The following LY6K variants were observed in gnomAD, a reference collection of about 807,000 sequenced individuals.
LY6K encodes lymphocyte antigen 6K.
LY6K carries 9 observed loss-of-function variants against 10.4 expected under a neutral mutation model. The observed-to-expected ratio is 0.87, with a 90% CI of 0.52 to 1.52. The LOEUF (loss-of-function observed/expected upper bound fraction) is 1.52, where lower values mean the gene tolerates loss of function less well. Ranked by LOEUF, LY6K falls within the 40% of genes most tolerant of loss-of-function variation. The pLI is 0.00. For synonymous variants in LY6K, 98 were observed against 83.7 expected (o/e 1.17, Z -0.94); for missense variants, 217 against 211.7 (o/e 1.02, Z -0.15).
In LY6K at chr8:142,703,154, G is replaced by A. The variant is rs141122872; in HGVS notation, c.281G>A (p.Arg94Lys). 9.8e-5 allele frequency: 158 copies of A among 1,614,238 alleles called. No individual in the cohort carries two copies. The African/African-American group carries it at 1.9e-3, about 20-fold the overall frequency. Residue 94 changes from arginine to lysine, a missense_variant, in exon 3 of 3, where the codon AGA becomes AAA. By Grantham distance (26) the Arg-to-Lys change is conservative (BLOSUM62 2). Transcript: ENST00000292430. ...TCCGCTGGTTGTGCAGCGATGGAGA[G>A]ACCCAAGCCAGAGGAGAAGCGGTTT... is the stretch of plus-strand genomic sequence containing the variant. ...QCSAGCAAME[R>K]PKPEEKRFLL...
At position 142,703,771 on chromosome 8, in the gene LY6K, T is replaced by C. The variant is rs1327982182; in HGVS notation, c.*400T>C. 1 of 190,054 alleles carries C rather than the reference T, an allele frequency of 5.3e-6. No homozygotes were observed. The highest frequency in any genetic ancestry group is 1.2e-4 in the South Asian group (1 of 8,360). 11.8% of individuals were successfully genotyped at this position (190,054 alleles called of 1,614,324 possible). A position where few individuals can be genotyped will look rare whatever the true frequency, so the allele number is the denominator to read the frequency against. On this transcript the variant is annotated 3_prime_UTR_variant, in exon 3 of 3. Coordinates refer to ENST00000292430, the MANE Select transcript of LY6K (RefSeq NM_017527.4). ...GACCTTTCAGGTGACGCAGGAACAC[T>C]GGGGGAGTCTGAATGATTGGGGTGA...
rs1554639874 is a variant in LY6K at position 142,700,389 on chromosome 8, T to G, written c.-139T>G. ...AAAGACCCCGACAGGCCCCGGCGGG[T>G]GGGAGGCGCGCGCCCCGGGGCGGGC... On this transcript the variant is annotated 5_prime_UTR_variant, in exon 1 of 3. Transcript: ENST00000292430. 2 of 1,336,390 alleles carry G rather than the reference T, an allele frequency of 1.5e-6. No homozygotes were observed. Among genetic ancestry groups the G allele is most frequent in the Non-Finnish European group, 1.9e-6 (2 of 1,047,112 alleles). 82.8% of individuals were successfully genotyped at this position (1,336,390 alleles called of 1,614,324 possible). A position where few individuals can be genotyped will look rare whatever the true frequency, so the allele number is the denominator to read the frequency against.
chr8:142,702,425 AT>A, intron 2 of LY6K: 1 of 1,447,920 alleles, frequency 6.9e-7, no homozygotes, highest in South Asian at 1.2e-5. Flanking sequence ...GTCATCTGTG[AT>A]TCCCCTGAAA....
intron 2 of LY6K, 53 bp from the exon 3 acceptor site, chr8:142,703,038 G>A (rs1815101564): frequency 6.2e-7 from 1 of 1,605,796 alleles, no homozygotes; most frequent in South Asian, 1.1e-5. Context: ...GGGCCTCGGT[G>A]TCAGGCATTG....
chr8:142,701,510 C>A, intron 1 of LY6K, 90 bp from the exon 2 acceptor site: 1 of 833,398 alleles, frequency 1.2e-6, no homozygotes, highest in Admixed American at 2.0e-5. Flanking sequence ...GGGGACCCGC[C>A]GAGTTTGTGC....
At chr8:142,702,951 G>A (rs144856171) in intron 2 of LY6K, 140 bp from the exon 3 acceptor site, 36 of 1,551,744 alleles carry the variant, frequency 2.3e-5, no homozygotes, top group Non-Finnish European at 2.8e-5. Flanking sequence ...TCGTCCTCCC[G>A]ACTCCCCCTT....
Position 142,700,274 on chromosome 8 carries a change from G to A in LY6K, c.-254G>A. The stretch of plus-strand genomic sequence containing the variant: ...GGGCTCCCGCGCCCGTTCCTGCCTG[G>A]CCGCCGGCCGCTCCAACAGCAGCAC... On this transcript the variant is annotated 5_prime_UTR_variant, in exon 1 of 3. Coordinates refer to ENST00000292430, the MANE Select transcript of LY6K (RefSeq NM_017527.4). The A allele has an allele frequency of 5.9e-6, 7 of 1,183,572 alleles. No individual in the cohort carries two copies. Among genetic ancestry groups the A allele is most frequent in the Non-Finnish European group, 6.3e-6 (6 of 945,772 alleles). 73.3% of individuals were successfully genotyped at this position (1,183,572 alleles called of 1,614,324 possible).
At chr8:142,702,217 C>T (rs1052168559) in intron 2 of LY6K, 21 of 484,756 alleles carry the variant, frequency 4.3e-5, no homozygotes, top group African/African-American at 2.5e-4. Flanking sequence ...AGATGAAATA[C>T]TGGGAGGTAG....
chr8:142,700,408 G>C lies in LY6K; in HGVS notation c.-120G>C. ...GGCGGGTGGGAGGCGCGCGCCCCGG[G>C]GCGGGCGGGGCTCCCCCTACCGGCC... On this transcript the variant is annotated 5_prime_UTR_variant, in exon 1 of 3. Coordinates refer to ENST00000292430, the MANE Select transcript of LY6K (RefSeq NM_017527.4). The C allele has an allele frequency of 7.4e-7, 1 of 1,352,884 alleles. No individual in the cohort carries two copies. The highest frequency in any genetic ancestry group is 4.0e-5 in the Admixed American group (1 of 24,866). The allele number at this position is 1,352,884 out of a possible 1,614,324, so 83.8% of individuals were successfully genotyped here. A position where few individuals can be genotyped will look rare whatever the true frequency, so the allele number is the denominator to read the frequency against.
chr8:142,702,237 C>T (rs1554640286), intron 2 of LY6K: 1 of 517,702 alleles, frequency 1.9e-6, no homozygotes, highest in Non-Finnish European at 3.5e-6. Flanking sequence ...GGAAGAAAAT[C>T]TGGATTTCAT....
chr8:142,700,736 C>A, intron 1 of LY6K, 106 bp downstream of exon 1: 3 of 1,193,802 alleles, frequency 2.5e-6, no homozygotes, highest in Non-Finnish European at 3.3e-6. Context: ...GAGAACGGAG[C>A]GTTCAGGCGG....
In LY6K at chr8:142,703,232, A is replaced by G. The variant is rs141724373; in HGVS notation, c.359A>G (p.Tyr120Cys). Reference sequence around the variant, plus strand: ...TACCTCAAGTGTTGTAAAATTCGCTACTGCAATTTAGAGGGGCCACCTATC... The same window carrying G: ...TACCTCAAGTGTTGTAAAATTCGCTGCTGCAATTTAGAGGGGCCACCTATC... ...FFYLKCCKIR[Y>C]CNLEGPPINS... is the part of the protein sequence containing the mutation. The change falls in exon 3 of 3, where the codon TAC (tyrosine) becomes TGC (cysteine). Residue 120 changes from tyrosine to cysteine, a missense_variant. By Grantham distance (194) the Tyr-to-Cys change is radical (BLOSUM62 -2). Coordinates refer to ENST00000292430, the MANE Select transcript of LY6K (RefSeq NM_017527.4). 458 of 1,614,202 alleles carry G rather than the reference A, an allele frequency of 2.8e-4. No individual in the cohort carries two copies. In the African/African-American group the frequency reaches 5.4e-3, roughly 19 times the overall value.
Position 142,700,368 on chromosome 8 carries a change from AC to A in LY6K, c.-156del. ...GAGGCCCTGAGATGAGGCTCCAAAG[AC>A]CCCGACAGGCCCCGGCGGGTGGGAG... On this transcript the variant is annotated 5_prime_UTR_variant, in exon 1 of 3. Transcript: ENST00000292430. 7.5e-7 allele frequency: 1 copy of A among 1,333,412 alleles called. No individual in the cohort carries two copies. The highest frequency in any genetic ancestry group is 9.6e-7 in the Non-Finnish European group (1 of 1,046,024). 82.6% of individuals were successfully genotyped at this position (1,333,412 alleles called of 1,614,324 possible).
At chr8:142,702,882 C>T (rs1554640374) in intron 2 of LY6K, 2 of 1,548,474 alleles carry the variant, frequency 1.3e-6, no homozygotes, top group Non-Finnish European at 1.7e-6. Flanking sequence ...TATGGACAGG[C>T]CATACCACGC....
chr8:142,701,859 G>T (rs1286214157), intron 2 of LY6K, 146 bp downstream of exon 2: 2 of 603,212 alleles, frequency 3.3e-6, no homozygotes, highest in Non-Finnish European at 5.9e-6. Context: ...GAGTCAGGCT[G>T]GAGTGCAGTG....
Position 142,700,523 on chromosome 8 carries a change from G to T in LY6K, c.-5G>T. ...GCTGACCCTCCCTGGGCACCGCTGG[G>T]GACGATGGCGCTGCTCGCCTTGCTG... On this transcript the variant is annotated 5_prime_UTR_variant, in exon 1 of 3. Coordinates refer to ENST00000292430, the MANE Select transcript of LY6K (RefSeq NM_017527.4). The T allele has an allele frequency of 6.3e-7, 1 of 1,574,936 alleles. No homozygotes were observed. Among genetic ancestry groups the T allele is most frequent in the Non-Finnish European group, 8.6e-7 (1 of 1,163,020 alleles).
Position 142,703,345 on chromosome 8 carries a change from A to G in LY6K, c.472A>G (p.Ile158Val). The G allele has an allele frequency of 6.2e-7, 1 of 1,611,844 alleles. No individual in the cohort carries two copies. The highest frequency in any genetic ancestry group is 8.5e-7 in the Non-Finnish European group (1 of 1,179,526). ...GGCCATCCTCCTGCTGCTGGCCTCC[A>G]TTGCAGCCGGCCTCAGCCTGTCTTG... Reference protein sequence around the residue: ...WLAILLLLASIAAGLSLS With the variant: ...WLAILLLLASVAAGLSLS The change falls in exon 3 of 3, where the codon ATT (isoleucine) becomes GTT (valine). Residue 158 changes from isoleucine to valine, a missense_variant. By Grantham distance (29) the Ile-to-Val change is conservative (BLOSUM62 3). Coordinates refer to ENST00000292430, the MANE Select transcript of LY6K (RefSeq NM_017527.4).
In LY6K at chr8:142,701,602, G is replaced by A. The variant is rs141540799; in HGVS notation, c.106G>A (p.Glu36Lys). The change falls in exon 2 of 3, where the codon GAG becomes AAG. Residue 36 changes from glutamate to lysine, a missense_variant and splice_region_variant. Coordinates refer to ENST00000292430, the MANE Select transcript of LY6K (RefSeq NM_017527.4). ...RDPEDSQRTD[E>K]GDNRVWCHVC... ...TTCTTTTTTATTCCTCCTTTCAGAC[G>A]AGGGTGACAATAGAGTGTGGTGTCA... The A allele has an allele frequency of 4.4e-6, 7 of 1,600,510 alleles. No homozygotes were observed. The highest frequency in any genetic ancestry group is 4.0e-5 in the African/African-American group (3 of 74,758).
chr8:142,701,438 T>A (rs1554640099), intron 1 of LY6K, among the ~76,000 whole-genome samples, 162 bp from the exon 2 acceptor site: 1 of 152,146 alleles, frequency 6.6e-6, no homozygotes, highest in African/African-American at 2.4e-5. Context: ...CCCCTCCTGC[T>A]TTCTCCCCAT....
Sources: gnomAD v4.1 joint callset for allele counts (sites outside exome capture counted in the v4.1 genomes callset) on GRCh38, gnomAD v4.1.1 for gene constraint, MANE v1.5 for transcripts, NCBI Gene and HGNC (gene_info 2026-07-23, HGNC 2026-07-21) for gene names.